The following SEPTIN1 variants were observed in gnomAD, a reference collection of about 807,000 sequenced individuals.
The protein encoded by SEPTIN1 is septin 1.
A neutral mutation model predicts 50.7 loss-of-function variants in SEPTIN1; 52 were observed. That is an observed-to-expected ratio of 1.03 (90% CI 0.82 to 1.29). The LOEUF (loss-of-function observed/expected upper bound fraction) is 1.29. Among genes scored for constraint, SEPTIN1 ranks in the 50% most tolerant of loss-of-function variants. SEPTIN1 has a pLI of 0.00. For synonymous variants in SEPTIN1, 204 were observed against 189.1 expected (o/e 1.08, Z -0.65); for missense variants, 455 against 490.7 (o/e 0.93, Z 0.69).
rs1339467872 is a variant in SEPTIN1, at chr16:30,379,432, C to T, written c.775+3G>A. 3 of 1,613,008 alleles carry T rather than the reference C, an allele frequency of 1.9e-6. No individual in the cohort carries two copies. Among genetic ancestry groups the T allele is most frequent in the South Asian group, 1.1e-5 (1 of 91,054 alleles). ...CTTAGGACCCCTGCCTGGCCTCACT[C>T]ACCCTCCACGGTCCCCCAGGAGTAG... On this transcript the variant is annotated splice_donor_region_variant and intron_variant, in intron 8 of 10. Transcript: ENST00000321367.
chr16:30,378,785 G>A (rs2084364968), intron 9 of SEPTIN1, 85 bp from the exon 10 acceptor site: 1 of 1,369,882 alleles, frequency 7.3e-7, no homozygotes, highest in Non-Finnish European at 1.0e-6. Flanking sequence ...CTGGGGCGAG[G>A]TTGGGGTCTA....
At position 30,382,238 on chromosome 16, in the gene SEPTIN1, C is replaced by T. The variant is rs761824880; in HGVS notation, c.109+37G>A. 3.1e-6 allele frequency: 5 copies of T among 1,612,506 alleles called. No homozygotes were observed. In the African/African-American group the frequency reaches 5.3e-5, roughly 17 times the overall value. The stretch of plus-strand genomic sequence containing the variant: ...GGGGACAGCCAGGGCCTCCTAAGGA[C>T]ATCCCCTCCGCAGTTCCCTCTCCAA... On this transcript the variant is annotated intron_variant, in intron 2 of 10. Coordinates refer to ENST00000321367, the MANE Select transcript of SEPTIN1 (RefSeq NM_001365977.2). The surrounding 1 kb of genome is among the most constrained non-coding windows in gnomAD (Gnocchi z 4.8).
At chr16:30,379,392 G>A (rs758143945) in intron 8 of SEPTIN1, 43 bp downstream of exon 8, 18 of 1,555,968 alleles carry the variant, frequency 1.2e-5, no homozygotes, top group Non-Finnish European at 1.5e-5. Flanking sequence ...CAGAGGCCCC[G>A]GGCTCCCTGC....
chr16:30,381,241 G>T lies in SEPTIN1; in HGVS notation c.459C>A (p.Leu153=). The T allele has an allele frequency of 2.5e-6, 4 of 1,614,044 alleles. No homozygotes were observed. Among genetic ancestry groups the T allele is most frequent in the Non-Finnish European group, 3.4e-6 (4 of 1,179,958 alleles). ...GGAGGAAGGCCACATCTAGGGGCCG[G>T]AGCCTGCACCCAGGGATTGGTCATT... ...LYFISPFGRG[L]RPLDVAFLRA... The change falls in exon 6 of 11, where the codon CTC becomes CTA. Residue 153 remains leucine (L), a synonymous_variant. Transcript: ENST00000321367. This position sits in a 1 kb window ranked among gnomAD's most constrained non-coding sequence, Gnocchi z 4.3.
chr16:30,382,235 G>A lies in SEPTIN1; in HGVS notation c.109+40C>T, dbSNP rs2049859901. Reference sequence around the variant, plus strand: ...GGAGGGGACAGCCAGGGCCTCCTAAGGACATCCCCTCCGCAGTTCCCTCTC... The same window carrying A: ...GGAGGGGACAGCCAGGGCCTCCTAAAGACATCCCCTCCGCAGTTCCCTCTC... On this transcript the variant is annotated intron_variant, in intron 2 of 10. Transcript: ENST00000321367. The surrounding 1 kb of genome is among the most constrained non-coding windows in gnomAD (Gnocchi z 4.8). 2 of 1,612,962 alleles carry A rather than the reference G, an allele frequency of 1.2e-6. No individual in the cohort carries two copies. Among genetic ancestry groups the A allele is most frequent in the African/African-American group, 2.7e-5 (2 of 75,004 alleles).
At chr16:30,378,750 G>C (rs200612718) in intron 9 of SEPTIN1, 50 bp from the exon 10 acceptor site, 6 of 1,562,416 alleles carry the variant, frequency 3.8e-6, no homozygotes, top group Non-Finnish European at 3.5e-6. Flanking sequence ...ACCTGAGGTT[G>C]TGGGTGAGGC....
intron 6 of SEPTIN1, chr16:30,380,884 T>C (rs2049836863): frequency 1.8e-6 from 1 of 563,816 alleles, no homozygotes; most frequent in South Asian, 2.1e-5. Flanking sequence ...CTCATGTCTA[T>C]GCTCCTGCCC....
At chr16:30,380,134 CAG>C (rs1197485441) in intron 6 of SEPTIN1, 101 bp from the exon 7 acceptor site, 3 of 932,444 alleles carry the variant, frequency 3.2e-6, no homozygotes, top group African/African-American at 1.7e-5. Context: ...TGGTCAGAGA[CAG>C]AGAGAAAGAC....
intron 9 of SEPTIN1, 139 bp downstream of exon 9, chr16:30,378,867 AGACGGAGAGAGG>A: frequency 9.7e-6 from 4 of 414,270 alleles, no homozygotes; most frequent in South Asian, 8.1e-5. Context: ...AGAGAGGGAG[AGACGGAGAGAGG>A]GAGGGAGGGA....
intron 6 of SEPTIN1, 118 bp from the exon 7 acceptor site, chr16:30,380,151 AAGAC>A (rs1406677678): frequency 1.3e-5 from 10 of 749,924 alleles, no homozygotes; most frequent in Non-Finnish European, 2.0e-5. Flanking sequence ...AAAGACATGA[AAGAC>A]AGAGATGGGG....
intron 8 of SEPTIN1, 105 bp from the exon 9 acceptor site, chr16:30,379,288 G>A: frequency 1.3e-6 from 2 of 1,500,212 alleles, no homozygotes; most frequent in Non-Finnish European, 9.2e-7. Flanking sequence ...TCTAGCGGAG[G>A]GTCCGCGGTC....
Position 30,378,454 on chromosome 16 carries a change from C to T in SEPTIN1, c.1099G>A (p.Glu367Lys), listed in dbSNP as rs1053587490. Residue 367 changes from glutamate to lysine, a missense_variant, in exon 11 of 11, where the codon GAG (glutamate) becomes AAG (lysine). Glu to Lys is a moderately conservative substitution (Grantham distance 56). Transcript: ENST00000321367. ...AQMQQSQAQG[E>K]QSDAL ...TGGCCTCAGAGGGCGTCTGACTGCT[C>T]GCCCTGGGCCTGGCTCTGCTGCATT... 6 of 1,569,844 alleles carry T rather than the reference C, an allele frequency of 3.8e-6. No individual in the cohort carries two copies. The highest frequency in any genetic ancestry group is 5.2e-6 in the Non-Finnish European group (6 of 1,164,546).
At chr16:30,380,288 C>G (rs1348193809) in intron 6 of SEPTIN1, 1 of 241,516 alleles carries the variant, frequency 4.1e-6, no homozygotes, top group Non-Finnish European at 8.1e-6. Context: ...TAGCTAGATC[C>G]CATCTCTACA....
rs775721468 is a variant in SEPTIN1 at position 30,378,420 on chromosome 16, G to A, written c.*14C>T. ...TGAAGGCGGAGCCGAGGTAAGGCCG[G>A]GCGGGGCGTGGCCTCAGAGGGCGTC... On this transcript the variant is annotated 3_prime_UTR_variant, in exon 11 of 11. Transcript: ENST00000321367. 1.7e-5 allele frequency: 26 copies of A among 1,558,068 alleles called. No homozygotes were observed. The East Asian group carries it at 5.9e-4, about 36-fold the overall frequency.
Position 30,381,828 on chromosome 16 carries a change from C to T in SEPTIN1, c.252G>A (p.Gly84=). Residue 84 remains glycine, a synonymous_variant, in exon 4 of 11, where the codon GGG becomes GGA. Transcript: ENST00000321367. The surrounding 1 kb of genome is among the most constrained non-coding windows in gnomAD (Gnocchi z 4.3). ...IERRGVEIEE[G]GVKVKLTLVD... The stretch of plus-strand genomic sequence containing the variant: ...CAAGGGTCAGCTTCACTTTCACACC[C>T]CCTTCCTCAATCTCTACGCCCCGGC... The T allele has an allele frequency of 1.2e-6, 2 of 1,614,192 alleles. No individual in the cohort carries two copies. Among genetic ancestry groups the T allele is most frequent in the East Asian group, 4.5e-5 (2 of 44,892 alleles).
In SEPTIN1 at chr16:30,381,289, C is replaced by T; in HGVS notation, c.456-45G>A. 1 of 1,599,136 alleles carries T rather than the reference C, an allele frequency of 6.3e-7. No individual in the cohort carries two copies. Among genetic ancestry groups the T allele is most frequent in the African/African-American group, 1.3e-5 (1 of 74,416 alleles). On this transcript the variant is annotated intron_variant, in intron 5 of 10. Coordinates refer to ENST00000321367, the MANE Select transcript of SEPTIN1 (RefSeq NM_001365977.2). This position sits in a 1 kb window ranked among gnomAD's most constrained non-coding sequence, Gnocchi z 4.3. ...ATTGCCCAGCCTCAGGGGGCAGAGA[C>T]CCCCCAGCCCTCCCTAAATGCGCCA...
At chr16:30,382,685 C>G, upstream of SEPTIN1, 1 of 1,532,968 alleles carries the variant, frequency 6.5e-7, no homozygotes, top group Non-Finnish European at 8.8e-7. This position sits in a 1 kb window ranked among gnomAD's most constrained non-coding sequence, Gnocchi z 4.8. Flanking sequence ...GCCAAGAACA[C>G]TTGGGGTTGC....
intron 9 of SEPTIN1, 147 bp from the exon 10 acceptor site, chr16:30,378,847 A>AGAGAGGGG (rs2049793014): frequency 1.9e-6 from 1 of 530,492 alleles, no homozygotes; most frequent in Non-Finnish European, 3.1e-6. Flanking sequence ...GCGGGTGGGG[A>AGAGAGGGG]GAGAGGGGGA....
chr16:30,378,266 C>A lies in SEPTIN1; in HGVS notation c.*168G>T, dbSNP rs2049777291. 2 of 696,458 alleles carry A rather than the reference C, an allele frequency of 2.9e-6. No individual in the cohort carries two copies. The highest frequency in any genetic ancestry group is 4.8e-6 in the Non-Finnish European group (2 of 420,654). The allele number at this position is 696,458 out of a possible 1,614,324, so 43.1% of individuals were successfully genotyped here. ...GTGGGCGGTGTCTGGGTGGGCGGGA[C>A]CAGCGCCGGGGCGGGGCTACGGACT... On this transcript the variant is annotated 3_prime_UTR_variant, in exon 11 of 11. Coordinates refer to ENST00000321367, the MANE Select transcript of SEPTIN1 (RefSeq NM_001365977.2).
Sources: allele counts gnomAD v4.1 joint callset, GRCh38; gene constraint gnomAD v4.1.1; non-coding constraint Gnocchi (gnomAD v3.1); transcripts MANE v1.5; gene names NCBI Gene and HGNC (gene_info 2026-07-23, HGNC 2026-07-21).